ERC2: variants seen among roughly 807,000 people sequenced by gnomAD.
The protein encoded by ERC2 is ERC protein 2.
In ERC2, 42 loss-of-function variants were observed where a neutral mutation model predicts 114.8. That is an observed-to-expected ratio of 0.37 (90% CI 0.29 to 0.47). The LOEUF (loss-of-function observed/expected upper bound fraction) is 0.47, where lower values mean the gene tolerates loss of function less well. Ranked by LOEUF, ERC2 falls within the 20% of genes least tolerant of loss-of-function variation. The pLI, the probability that ERC2 is intolerant of heterozygous loss-of-function variation, is 0.99. For missense variants in ERC2, 939 were observed against 1,150.7 expected, an observed-to-expected ratio of 0.82 and a Z score of 2.66; for synonymous variants, 454 against 425.5, an observed-to-expected ratio of 1.07 and a Z score of -0.82.
chr3:56,174,198 A>T (rs2082841921), intron 3 of ERC2, among the ~76,000 whole-genome samples: 1 of 152,242 alleles, frequency 6.6e-6, no homozygotes, highest in African/African-American at 2.4e-5. Flanking sequence ...CCCTGGAACG[A>T]TGATGAACAT....
chr3:55,966,513 T>C (rs993159551), intron 12 of ERC2, among the ~76,000 whole-genome samples: 2 of 152,186 alleles, frequency 1.3e-5, no homozygotes, highest in Non-Finnish European at 2.9e-5. Flanking sequence ...GCAATGTTCA[T>C]GTTGTATATA....
At chr3:56,269,741 T>C (rs2053539850) in intron 3 of ERC2, among the ~76,000 whole-genome samples, 1 of 152,094 alleles carries the variant, frequency 6.6e-6, no homozygotes, top group African/African-American at 2.4e-5. Flanking sequence ...CCCTCAGCTA[T>C]GAAGAAAAGG....
chr3:56,348,960 GAA>G (rs2058442514), intron 2 of ERC2, among the ~76,000 whole-genome samples: 5 of 97,464 alleles, frequency 5.1e-5, no homozygotes, highest in African/African-American at 8.7e-5. Context: ...AGGAAGGAAA[GAA>G]AGAAAGAAGG....
chr3:55,556,895 G>A (rs929545975), intron 17 of ERC2, among the ~76,000 whole-genome samples: 1 of 152,164 alleles, frequency 6.6e-6, no homozygotes, highest in African/African-American at 2.4e-5. Context: ...ATAGGGGATA[G>A]AGAAGAGGCA....
chr3:56,383,717 C>A (rs141406167), intron 2 of ERC2, among the ~76,000 whole-genome samples: 11 of 152,130 alleles, frequency 7.2e-5, no homozygotes, highest in African/African-American at 2.6e-4. Flanking sequence ...CCATTTTAAC[C>A]ATCTCAAGTG....
At chr3:56,046,677 T>A (rs1381459535) in intron 7 of ERC2, among the ~76,000 whole-genome samples, 1 of 152,188 alleles carries the variant, frequency 6.6e-6, no homozygotes, top group Non-Finnish European at 1.5e-5. Context: ...TTCTGTATAT[T>A]CTTTGCCTCT....
chr3:56,157,224 G>T (rs2081778144), intron 4 of ERC2, among the ~76,000 whole-genome samples: 1 of 152,182 alleles, frequency 6.6e-6, no homozygotes, highest in African/African-American at 2.4e-5. Context: ...TGGCTTCAGA[G>T]AATGTATGCT....
intron 7 of ERC2, among the ~76,000 whole-genome samples, chr3:56,056,657 C>T (rs1231679727): frequency 6.6e-6 from 1 of 152,102 alleles, no homozygotes; most frequent in Non-Finnish European, 1.5e-5. Context: ...CTGGTAATAG[C>T]TGGACGTTAC....
chr3:56,019,976 C>G (rs140374411), intron 7 of ERC2, among the ~76,000 whole-genome samples: 1 of 152,294 alleles, frequency 6.6e-6, no homozygotes, highest in African/African-American at 2.4e-5. Flanking sequence ...GGGAATCATT[C>G]CAAAAGTATG....
chr3:56,152,244 T>C (rs2081451641), intron 4 of ERC2, among the ~76,000 whole-genome samples: 1 of 152,170 alleles, frequency 6.6e-6, no homozygotes, highest in Non-Finnish European at 1.5e-5. Context: ...AAATATTCTA[T>C]TTAATTTTAT....
intron 17 of ERC2, among the ~76,000 whole-genome samples, chr3:55,517,468 A>AAAT (rs1553686520): frequency 9.9e-5 from 15 of 151,906 alleles, no homozygotes; most frequent in African/African-American, 3.6e-4. Context: ...AAAAAAAAAA[A>AAAT]AATTATCAAA....
chr3:55,915,652 T>C (rs1408168321), intron 13 of ERC2, among the ~76,000 whole-genome samples: 1 of 152,160 alleles, frequency 6.6e-6, no homozygotes, highest in Non-Finnish European at 1.5e-5. Context: ...AAGTAATAGC[T>C]TTCCTACCTT....
intron 15 of ERC2, among the ~76,000 whole-genome samples, chr3:55,729,837 C>CCAAAAAAAAAAAA (rs2065137590): frequency 1.6e-5 from 1 of 61,630 alleles, no homozygotes; most frequent in Non-Finnish European, 2.6e-5. Flanking sequence ...GACTCTATCG[C>CCAAAAAAAAAAAA]AAAAAAAAAA....
chr3:56,139,583 A>G lies in ERC2; in HGVS notation c.1399T>C (p.Cys467Arg), dbSNP rs1338106795. 1 of 1,613,780 alleles carries G rather than the reference A, an allele frequency of 6.2e-7. No individual in the cohort carries two copies. Among genetic ancestry groups the G allele is most frequent in the African/African-American group, 1.3e-5 (1 of 74,924 alleles). ...LETLSNQNSD[C>R]KQHIEVLKES... ...TTGAGCACTTCAATGTGTTGCTTGC[A>G]ATCTGAATTTTGATTGCTGAGGGTT... The change falls in exon 6 of 18, where the codon TGC becomes CGC. Residue 467 changes from cysteine (C) to arginine (R), a missense_variant. By Grantham distance (180) the Cys-to-Arg change is radical. This residue lies in a region of ERC2 where 149 missense variants were observed against 254.6 expected (regional missense o/e 0.59). Transcript: ENST00000288221.
At chr3:56,211,715 T>C (rs556766452) in intron 3 of ERC2, among the ~76,000 whole-genome samples, 10 of 152,196 alleles carry the variant, frequency 6.6e-5, no homozygotes, top group South Asian at 4.1e-4. Context: ...TATAGGGCCA[T>C]AGTCACCAAA....
intron 13 of ERC2, among the ~76,000 whole-genome samples, chr3:55,891,531 C>T (rs1485046738): frequency 7.0e-6 from 1 of 142,416 alleles, no homozygotes. Context: ...ACTGCAATCT[C>T]TGCCTCCCGG....
intron 2 of ERC2, among the ~76,000 whole-genome samples, chr3:56,317,138 A>G (rs1283890495): frequency 6.6e-6 from 1 of 152,234 alleles, no homozygotes; most frequent in African/African-American, 2.4e-5. Context: ...GAATGTGTAC[A>G]AAGTGCTGAG....
intron 12 of ERC2, among the ~76,000 whole-genome samples, chr3:55,976,477 T>G (rs1215177530): frequency 2.0e-5 from 3 of 152,218 alleles, no homozygotes; most frequent in Non-Finnish European, 4.4e-5. Flanking sequence ...ATAACTCCAT[T>G]TCTTTACAAC....
At chr3:55,750,442 T>G (rs2066619927) in intron 14 of ERC2, among the ~76,000 whole-genome samples, 1 of 152,176 alleles carries the variant, frequency 6.6e-6, no homozygotes, top group South Asian at 2.1e-4. Context: ...GAACTGGAAT[T>G]TGTATCCAAG....
Sources: gnomAD v4.1 joint callset for allele counts (sites outside exome capture counted in the v4.1 genomes callset) on GRCh38, gnomAD v4.1.1 for gene constraint, gnomAD v4.1.1 regional missense constraint, MANE v1.5 for transcripts, NCBI Gene and HGNC (gene_info 2026-07-23, HGNC 2026-07-21) for gene names.